Variants in GALNT8 observed in about 807,000 individuals in gnomAD.
GALNT8 encodes polypeptide N-acetylgalactosaminyltransferase 8.
A neutral mutation model predicts 62.7 loss-of-function variants in GALNT8; 66 were observed. That is an observed-to-expected ratio of 1.05 (90% CI 0.86 to 1.29). The LOEUF (loss-of-function observed/expected upper bound fraction) is 1.29, where lower values mean the gene tolerates loss of function less well. Ranked by LOEUF, GALNT8 falls within the 50% of genes most tolerant of loss-of-function variation. GALNT8 has a pLI of 0.00. For synonymous variants in GALNT8, 288 were observed against 294.3 expected (o/e 0.98, Z 0.22); for missense variants, 771 against 791.8 (o/e 0.97, Z 0.32).
chr12:4,767,419 G>A (rs1946404831), intron 10 of GALNT8, among the ~76,000 whole-genome samples: 1 of 152,244 alleles, frequency 6.6e-6, no homozygotes, highest in South Asian at 2.1e-4. Context: ...CAGGCCTGGA[G>A]ATATTAGCTT....
chr12:4,745,877 T>C (rs1208833857), intron 5 of GALNT8, among the ~76,000 whole-genome samples: 1 of 152,100 alleles, frequency 6.6e-6, no homozygotes, highest in Non-Finnish European at 1.5e-5. Flanking sequence ...TGGAAAACAT[T>C]TGGGCCATTT....
chr12:4,722,485 T>A (rs528016828), intron 1 of GALNT8, among the ~76,000 whole-genome samples: 8 of 152,338 alleles, frequency 5.3e-5, no homozygotes, highest in African/African-American at 1.9e-4. Flanking sequence ...TATAAACTGC[T>A]CTGTGCCAAA....
intron 6 of GALNT8, among the ~76,000 whole-genome samples, chr12:4,752,175 G>A (rs1442947885): frequency 1.3e-5 from 2 of 152,074 alleles, no homozygotes; most frequent in Admixed American, 1.3e-4. Context: ...ATAGGCAACA[G>A]ATCAGTGGGT....
At chr12:4,741,600 A>G (rs1045621638) in intron 3 of GALNT8, among the ~76,000 whole-genome samples, 4 of 152,054 alleles carry the variant, frequency 2.6e-5, no homozygotes, top group African/African-American at 2.4e-5. Flanking sequence ...AGTCAATACT[A>G]TACTCTATGG....
Position 4,720,735 on chromosome 12 carries a change from G to A in GALNT8, c.58G>A (p.Ala20Thr), listed in dbSNP as rs182926653. 3.7e-6 allele frequency: 6 copies of A among 1,613,870 alleles called. No individual in the cohort carries two copies. In the Admixed American group the frequency reaches 8.3e-5, roughly 22 times the overall value. Residue 20 changes from alanine (A) to threonine (T), a missense_variant, in exon 1 of 11, where the codon GCT becomes ACT. Transcript: ENST00000252318. ...CTTCATTGGGCTGACTCTGGCCATT[G>A]CTGTCAATCTCCTTCTGGTATTTTC... ...ALFIGLTLAIAVNLLLVFSSK... is the reference protein window; with the variant it reads ...ALFIGLTLAITVNLLLVFSSK...
chr12:4,755,337 A>C (rs1320392479), intron 6 of GALNT8, among the ~76,000 whole-genome samples: 1 of 152,192 alleles, frequency 6.6e-6, no homozygotes, highest in Non-Finnish European at 1.5e-5. Flanking sequence ...GGTGGGCATC[A>C]GCTGAGTTTG....
In GALNT8 at chr12:4,769,241, T is replaced by C. The variant is rs115778000; in HGVS notation, c.1762-3204T>C. Among the ~76,000 whole-genome samples the C allele has an allele frequency of 5.4e-3, 826 of 152,136 alleles. 4 individuals carry two copies. The highest frequency in any genetic ancestry group is 0.018 in the African/African-American group (766 of 41,518). ...CACTCGTGGTGAGGGGTTGGAAGTTTGGGGAAAGAGGAAGTGGGGAGGGAG... is the reference window on the plus strand; with the variant it reads ...CACTCGTGGTGAGGGGTTGGAAGTTCGGGGAAAGAGGAAGTGGGGAGGGAG... On this transcript the variant is annotated intron_variant, in intron 10 of 10. Coordinates refer to ENST00000252318, the MANE Select transcript of GALNT8 (RefSeq NM_017417.2).
intron 10 of GALNT8, among the ~76,000 whole-genome samples, chr12:4,771,889 A>C (rs1946426170): frequency 6.6e-6 from 1 of 152,196 alleles, no homozygotes; most frequent in African/African-American, 2.4e-5. Context: ...AAGAGCAAGG[A>C]TTCAGCCCTG....
At chr12:4,727,971 A>G (rs544429362) in intron 2 of GALNT8, among the ~76,000 whole-genome samples, 6 of 152,300 alleles carry the variant, frequency 3.9e-5, no homozygotes, top group Admixed American at 1.3e-4. Flanking sequence ...CCATCATTTA[A>G]CATTCCCTCA....
Position 4,744,585 on chromosome 12 carries a change from A to G in GALNT8, c.745A>G (p.Ile249Val), listed in dbSNP as rs771975196. 7 of 1,613,142 alleles carry G rather than the reference A, an allele frequency of 4.3e-6. No homozygotes were observed. Among genetic ancestry groups the G allele is most frequent in the East Asian group, 2.2e-5 (1 of 44,862 alleles). ...YNQKYPGLLK[I>V]IRHPERKGLA... ...CCAGAAGTATCCAGGACTACTGAAA[A>G]TAATACGGCATCCTGAAAGGAAAGG... Residue 249 changes from isoleucine (I) to valine (V), a missense_variant, in exon 4 of 11, where the codon ATA becomes GTA. Coordinates refer to ENST00000252318, the MANE Select transcript of GALNT8 (RefSeq NM_017417.2).
At chr12:4,756,866 G>A (rs12320374) in intron 6 of GALNT8, among the ~76,000 whole-genome samples, 58,616 of 152,006 alleles carry the variant, frequency 0.39, 11,561 homozygotes, top group Admixed American at 0.44. Context: ...GGTGGTTGAT[G>A]TGGTTAGGCT....
intron 6 of GALNT8, among the ~76,000 whole-genome samples, chr12:4,754,951 A>G (rs7311694): frequency 0.51 from 77,583 of 151,974 alleles, 20,488 homozygotes; most frequent in Non-Finnish European, 0.59. Context: ...GCCTGCTGTA[A>G]CTGAGCTGAT....
chr12:4,722,581 A>G (rs147403989), intron 1 of GALNT8, among the ~76,000 whole-genome samples: 423 of 152,302 alleles, frequency 2.8e-3, no homozygotes, highest in African/African-American at 9.1e-3. Flanking sequence ...TGGAAGTCTA[A>G]TGCCTCTGAA....
At chr12:4,739,527 C>T (rs1946261601) in intron 3 of GALNT8, among the ~76,000 whole-genome samples, 198 bp downstream of exon 3, 1 of 152,232 alleles carries the variant, frequency 6.6e-6, no homozygotes, top group South Asian at 2.1e-4. Flanking sequence ...ATTATCTCTA[C>T]ATGGATGAGG....
rs756134721 is a variant in GALNT8, at chr12:4,761,157, T to C, written c.1359+14T>C. The C allele has an allele frequency of 1.1e-5, 18 of 1,606,794 alleles. No homozygotes were observed. The highest frequency in any genetic ancestry group is 6.6e-5 in the South Asian group (6 of 90,824). On this transcript the variant is annotated intron_variant, in intron 7 of 10. Coordinates refer to ENST00000252318, the MANE Select transcript of GALNT8 (RefSeq NM_017417.2). ...ATACCTCTCCAGGTGAGTCATGGAA[T>C]TGAACAGCAGCACGGAAGAATGAAA...
At chr12:4,737,893 C>T (rs1034852766) in intron 2 of GALNT8, among the ~76,000 whole-genome samples, 2 of 152,206 alleles carry the variant, frequency 1.3e-5, no homozygotes, top group African/African-American at 4.8e-5. Flanking sequence ...AGCACCTTGA[C>T]ATTAGACTTA....
chr12:4,772,425 C>T lies in GALNT8; in HGVS notation c.1762-20C>T, dbSNP rs749754895. 9 of 1,610,568 alleles carry T rather than the reference C, an allele frequency of 5.6e-6. No individual in the cohort carries two copies. The highest frequency in any genetic ancestry group is 1.3e-5 in the African/African-American group (1 of 75,032). ...ACTGAGGCATTTCAGCACCTTGGCTCTGTCTCTCTTCCCCTCCAGGGAGGA... is the reference window on the plus strand; with the variant it reads ...ACTGAGGCATTTCAGCACCTTGGCTTTGTCTCTCTTCCCCTCCAGGGAGGA... On this transcript the variant is annotated intron_variant, in intron 10 of 10. Coordinates refer to ENST00000252318, the MANE Select transcript of GALNT8 (RefSeq NM_017417.2).
chr12:4,739,636 C>G (rs1290047256), intron 3 of GALNT8, among the ~76,000 whole-genome samples: 1 of 151,600 alleles, frequency 6.6e-6, no homozygotes, highest in South Asian at 2.1e-4. Context: ...TCCAAATCTA[C>G]CTGTACCTCT....
intron 8 of GALNT8, 114 bp from the exon 9 acceptor site, chr12:4,763,838 G>T: frequency 1.4e-6 from 1 of 696,680 alleles, no homozygotes; most frequent in South Asian, 1.6e-5. Flanking sequence ...TGCTCCTTGT[G>T]GCTGGTCGTT....
Sources: gnomAD v4.1 joint callset for allele counts (sites outside exome capture counted in the v4.1 genomes callset) on GRCh38, gnomAD v4.1.1 for gene constraint, MANE v1.5 for transcripts, NCBI Gene and HGNC (gene_info 2026-07-23, HGNC 2026-07-21) for gene names.